Variants in CCDC148 observed in about 807,000 individuals in gnomAD.
CCDC148 encodes the protein coiled-coil domain containing 148.
In CCDC148, 89 loss-of-function variants were observed where a neutral mutation model predicts 85.7. The observed-to-expected ratio is 1.04, with a 90% CI of 0.87 to 1.24. The LOEUF (loss-of-function observed/expected upper bound fraction) is 1.24, where lower values mean the gene tolerates loss of function less well. Ranked by LOEUF, CCDC148 falls within the 50% of genes most tolerant of loss-of-function variation. The probability of loss-of-function intolerance (pLI) is 0.00; values close to 1 mark genes in which losing one functional copy is unlikely to be tolerated. For synonymous variants in CCDC148, 230 were observed against 213.9 expected (o/e 1.08, Z -0.66); for missense variants, 692 against 671.7 (o/e 1.03, Z -0.33).
chr2:158,446,016 A>G (rs1355790350), intron 1 of CCDC148, among the ~76,000 whole-genome samples: 1 of 152,214 alleles, frequency 6.6e-6, no homozygotes, highest in Admixed American at 6.5e-5. Flanking sequence ...TGGAAGAAGT[A>G]CAAAATAGGC....
chr2:158,262,894 A>G lies in CCDC148; in HGVS notation c.1111-11982T>C, dbSNP rs534533058. On this transcript the variant is annotated intron_variant, in intron 9 of 13. Transcript: ENST00000283233. ...TTTAAAAATAATAGTAATAAAAGAA[A>G]AAAGAAAACTCGGATTGGCAATCAT... 1.7e-4 allele frequency among the ~76,000 whole-genome samples: 26 copies of G among 152,210 alleles called. No individual in the cohort carries two copies. In the East Asian group the frequency reaches 4.8e-3, roughly 28 times the overall value.
At chr2:158,351,584 G>C (rs554521509) in intron 2 of CCDC148, among the ~76,000 whole-genome samples, 2 of 152,360 alleles carry the variant, frequency 1.3e-5, no homozygotes, top group African/African-American at 2.4e-5. Flanking sequence ...TATGCCCACG[G>C]AGTCTTGCTG....
intron 10 of CCDC148, among the ~76,000 whole-genome samples, chr2:158,248,904 C>T (rs1374316308): frequency 6.6e-6 from 1 of 152,114 alleles, no homozygotes; most frequent in Non-Finnish European, 1.5e-5. Context: ...ATTCTTCCTT[C>T]CATTACTCTG....
intron 11 of CCDC148, among the ~76,000 whole-genome samples, chr2:158,214,391 A>G (rs1272010766): frequency 6.6e-6 from 1 of 152,240 alleles, no homozygotes; most frequent in Non-Finnish European, 1.5e-5. Context: ...GAAAACTACT[A>G]GAAATTAGGT....
chr2:158,324,379 A>G (rs1692666356), intron 7 of CCDC148, among the ~76,000 whole-genome samples: 1 of 152,116 alleles, frequency 6.6e-6, no homozygotes, highest in South Asian at 2.1e-4. Context: ...ACATATTCAA[A>G]CCATTTGTGT....
At chr2:158,232,084 A>G (rs1379119123) in intron 10 of CCDC148, among the ~76,000 whole-genome samples, 5 of 152,126 alleles carry the variant, frequency 3.3e-5, no homozygotes, top group Admixed American at 2.6e-4. Flanking sequence ...TCAGCATATG[A>G]TAAGAGTTGA....
At chr2:158,369,138 T>C (rs1472044715) in intron 1 of CCDC148, among the ~76,000 whole-genome samples, 1 of 152,182 alleles carries the variant, frequency 6.6e-6, no homozygotes, top group East Asian at 1.9e-4. Flanking sequence ...AGAAATAGTA[T>C]TGTTTCACTA....
At chr2:158,384,748 A>G (rs115583672) in intron 1 of CCDC148, among the ~76,000 whole-genome samples, 1 of 152,304 alleles carries the variant, frequency 6.6e-6, no homozygotes, top group Non-Finnish European at 1.5e-5. Context: ...TTTATTTTGA[A>G]GCTCAAATTA....
At chr2:158,398,660 C>A (rs1444749502) in intron 1 of CCDC148, among the ~76,000 whole-genome samples, 2 of 151,390 alleles carry the variant, frequency 1.3e-5, no homozygotes, top group East Asian at 3.9e-4. Context: ...CACTAAAAGC[C>A]AAGAGAAAGC....
intron 11 of CCDC148, 79 bp downstream of exon 11, chr2:158,220,516 T>C: frequency 1.1e-6 from 1 of 939,362 alleles, no homozygotes; most frequent in Non-Finnish European, 1.7e-6. Context: ...AAGTTCCCTC[T>C]GATATTATTT....
intron 11 of CCDC148, among the ~76,000 whole-genome samples, chr2:158,219,086 T>C (rs997961329): frequency 7.2e-5 from 11 of 152,156 alleles, no homozygotes; most frequent in African/African-American, 2.7e-4. Flanking sequence ...CAAAATTATA[T>C]GTGAGTCTGA....
intron 1 of CCDC148, among the ~76,000 whole-genome samples, chr2:158,423,069 C>T (rs371140795): frequency 9.9e-5 from 15 of 152,054 alleles, no homozygotes; most frequent in East Asian, 3.9e-4. Flanking sequence ...CACTGCTCAA[C>T]GAAATAAAAG....
chr2:158,380,715 A>G (rs1190148730), intron 1 of CCDC148: 1 of 152,182 alleles, frequency 6.6e-6, no homozygotes, highest in Non-Finnish European at 1.5e-5. Flanking sequence ...ACCATATACC[A>G]AGATCCATTA....
chr2:158,201,057 A>G (rs186983062), intron 11 of CCDC148, among the ~76,000 whole-genome samples: 5 of 151,980 alleles, frequency 3.3e-5, no homozygotes, highest in African/African-American at 9.6e-5. Context: ...AGAAATCAGT[A>G]CCTAGATACT....
At chr2:158,213,848 G>A (rs1305460431) in intron 11 of CCDC148, among the ~76,000 whole-genome samples, 1 of 152,092 alleles carries the variant, frequency 6.6e-6, no homozygotes, top group Non-Finnish European at 1.5e-5. Context: ...TGCAGCTGTA[G>A]AGAACTCTAC....
At chr2:158,354,449 C>A (rs1206678457) in intron 2 of CCDC148, among the ~76,000 whole-genome samples, 1 of 151,620 alleles carries the variant, frequency 6.6e-6, no homozygotes, top group African/African-American at 2.4e-5. Flanking sequence ...ACTACAAACA[C>A]CTCTACGCAA....
intron 9 of CCDC148, among the ~76,000 whole-genome samples, chr2:158,251,743 C>T (rs1456419320): frequency 6.6e-6 from 1 of 151,742 alleles, no homozygotes; most frequent in Admixed American, 6.6e-5. Context: ...ATATCCACGA[C>T]ATATTGTTAG....
chr2:158,258,847 G>A (rs566398320), intron 9 of CCDC148, among the ~76,000 whole-genome samples: 7 of 151,848 alleles, frequency 4.6e-5, no homozygotes, highest in African/African-American at 1.7e-4. Context: ...CTCATTCCCT[G>A]TCCACACTCC....
chr2:158,414,625 C>A (rs1471979777), intron 1 of CCDC148, among the ~76,000 whole-genome samples: 2 of 152,048 alleles, frequency 1.3e-5, no homozygotes, highest in East Asian at 3.9e-4. Context: ...GAGGAGCTTT[C>A]TGGAGATCAT....
Sources: allele counts gnomAD v4.1 joint callset (sites outside exome capture counted in the v4.1 genomes callset), GRCh38; gene constraint gnomAD v4.1.1; transcripts MANE v1.5; gene names NCBI Gene and HGNC (gene_info 2026-07-23, HGNC 2026-07-21).